The following CNIH3 variants were observed in gnomAD, a reference collection of about 807,000 sequenced individuals.
CNIH3 encodes the protein cornichon family AMPA receptor auxiliary protein 3.
Under a neutral mutation model 24.1 loss-of-function variants are expected in CNIH3, and 14 were observed. That is an observed-to-expected ratio of 0.58 (90% CI 0.38 to 0.91). The LOEUF (loss-of-function observed/expected upper bound fraction) is 0.91. Among genes scored for constraint, CNIH3 ranks in the 40% least tolerant of loss-of-function variants. CNIH3 has a pLI of 0.00. For missense variants in CNIH3, 178 were observed against 196.8 expected (o/e 0.90, Z 0.57); for synonymous variants, 68 against 73.8 (o/e 0.92, Z 0.40).
intron 3 of CNIH3, among the ~76,000 whole-genome samples, chr1:224,720,087 A>G (rs1688631062): frequency 6.6e-6 from 1 of 152,090 alleles, no homozygotes; most frequent in South Asian, 2.1e-4. Context: ...AGTAAATATT[A>G]ATTGATGATG....
intron 1 of CNIH3, among the ~76,000 whole-genome samples, chr1:224,648,237 C>A (rs972380573): frequency 6.6e-6 from 1 of 151,958 alleles, no homozygotes; most frequent in African/African-American, 2.4e-5. Context: ...CATGGTGAAA[C>A]CCTGTCTCTA....
At chr1:224,578,121 C>A (rs111431496) in intron 4 of CNIH3, among the ~76,000 whole-genome samples, 111 of 152,164 alleles carry the variant, frequency 7.3e-4, no homozygotes, top group African/African-American at 2.6e-3. Context: ...TACTAAAGAA[C>A]TTTTCCATGC....
At chr1:224,529,383 A>T (rs1250388786) in intron 2 of CNIH3, 1 of 152,168 alleles carries the variant, frequency 6.6e-6, no homozygotes, top group Non-Finnish European at 1.5e-5. Context: ...GCAAGAGAGG[A>T]TGAATTCAAA....
At chr1:224,581,776 T>C (rs956158602) in intron 4 of CNIH3, among the ~76,000 whole-genome samples, 2 of 152,228 alleles carry the variant, frequency 1.3e-5, no homozygotes, top group Non-Finnish European at 2.9e-5. Context: ...AGGTCAAATT[T>C]AGCTCATCTC....
At chr1:224,460,958 A>G (rs1305114789) in intron 1 of CNIH3, among the ~76,000 whole-genome samples, 1 of 150,632 alleles carries the variant, frequency 6.6e-6, no homozygotes, top group Non-Finnish European at 1.5e-5. Context: ...TGTTTTTATT[A>G]TGACTTTACC....
chr1:224,589,056 A>G (rs1429003567), downstream of CNIH3, among the ~76,000 whole-genome samples: 1 of 145,166 alleles, frequency 6.9e-6, no homozygotes, highest in Non-Finnish European at 1.5e-5. Context: ...GAGGAGTCTG[A>G]GCTCTGGAAA....
At chr1:224,586,571 G>A (rs1572529660) in intron 5 of CNIH3, among the ~76,000 whole-genome samples, 1 of 152,128 alleles carries the variant, frequency 6.6e-6, no homozygotes, top group South Asian at 2.1e-4. Flanking sequence ...GGGAGACTTC[G>A]AGCCTTAGAG....
At chr1:224,676,361 G>T (rs58973007) in intron 1 of CNIH3, among the ~76,000 whole-genome samples, 1 of 152,006 alleles carries the variant, frequency 6.6e-6, no homozygotes, top group Non-Finnish European at 1.5e-5. Flanking sequence ...GAGACATGGC[G>T]GGGGGGTGTT....
At chr1:224,617,859 A>G (rs897334898) in intron 1 of CNIH3, among the ~76,000 whole-genome samples, 1 of 152,162 alleles carries the variant, frequency 6.6e-6, no homozygotes, top group African/African-American at 2.4e-5. Context: ...GGCATCATTA[A>G]GGCCATGGAG....
chr1:224,651,553 G>A (rs758909255), intron 1 of CNIH3, among the ~76,000 whole-genome samples: 2 of 152,224 alleles, frequency 1.3e-5, no homozygotes, highest in South Asian at 2.1e-4. Flanking sequence ...CTTCGTGTTC[G>A]TGTCATCTTA....
intron 1 of CNIH3, among the ~76,000 whole-genome samples, chr1:224,501,407 A>G (rs1677660594): frequency 1.3e-5 from 2 of 151,994 alleles, no homozygotes; most frequent in South Asian, 4.2e-4. Flanking sequence ...TACTATTATT[A>G]TTGTATCCAG....
At chr1:224,637,680 C>T (rs1572634736) in intron 1 of CNIH3, among the ~76,000 whole-genome samples, 1 of 152,184 alleles carries the variant, frequency 6.6e-6, no homozygotes, top group South Asian at 2.1e-4. Flanking sequence ...TAATGGCTGG[C>T]TTATTACCAA....
intron 1 of CNIH3, chr1:224,454,357 T>C (rs1675558839): frequency 1.0e-6 from 1 of 953,616 alleles, no homozygotes; most frequent in African/African-American, 1.8e-5. Flanking sequence ...AGGTTAAAAA[T>C]AATTCAACTA....
intron 1 of CNIH3, among the ~76,000 whole-genome samples, chr1:224,633,133 C>A (rs1683909290): frequency 1.3e-5 from 2 of 152,086 alleles, no homozygotes; most frequent in Admixed American, 6.6e-5. Flanking sequence ...TGTCAGGTTT[C>A]TCAGTAAGGA....
At position 224,527,123 on chromosome 1, in the gene CNIH3, T is replaced by G. The variant is rs376370987; in HGVS notation, n.343+5796T>G. 1.5e-4 allele frequency among the ~76,000 whole-genome samples: 23 copies of G among 152,232 alleles called. 1 individual carries two copies. The East Asian group carries it at 2.3e-3, about 15-fold the overall frequency. On this transcript the variant is annotated intron_variant and non_coding_transcript_variant, in intron 2 of 2. Coordinates refer to the CNIH3 transcript ENST00000470602. ...CTAAGACAGGGCTGAAAAAACTTGATGAGCGTGAGTGCTCACTGTGTGTAT... is the reference window on the plus strand; with the variant it reads ...CTAAGACAGGGCTGAAAAAACTTGAGGAGCGTGAGTGCTCACTGTGTGTAT...
In CNIH3 at chr1:224,684,558, C is replaced by G. The variant is rs185833719; in HGVS notation, c.151-238C>G. Among the ~76,000 whole-genome samples the G allele has an allele frequency of 5.8e-3, 877 of 152,264 alleles. 9 individuals carry two copies. The highest frequency in any genetic ancestry group is 0.02 in the African/African-American group (811 of 41,534). ...GTGCTGGACTGAGAGGGCAGTTGAG[C>G]CCATGCTGTTTGCTGGGAGAGTTCT... On this transcript the variant is annotated intron_variant, in intron 2 of 5. Transcript: ENST00000272133. The surrounding 1 kb of genome is among the most constrained non-coding windows in gnomAD (Gnocchi z 4.2).
At chr1:224,608,158 A>G (rs1174069278) in intron 3 of CNIH3, among the ~76,000 whole-genome samples, 1 of 152,216 alleles carries the variant, frequency 6.6e-6, no homozygotes, top group African/African-American at 2.4e-5. Context: ...GCTTTAGAGC[A>G]GAAACAAAAG....
At chr1:224,557,301 G>A (rs547480703) in intron 3 of CNIH3, among the ~76,000 whole-genome samples, 1 of 152,184 alleles carries the variant, frequency 6.6e-6, no homozygotes, top group East Asian at 1.9e-4. Context: ...TCCCACCTCA[G>A]CCTTCCAAAG....
At chr1:224,680,918 C>A in intron 1 of CNIH3, 40 bp from the exon 2 acceptor site, 1 of 1,465,720 alleles carries the variant, frequency 6.8e-7, no homozygotes, top group Non-Finnish European at 9.6e-7. Flanking sequence ...TGTGTTGACT[C>A]GTGTGCACTA....
Sources: allele counts gnomAD v4.1 joint callset (sites outside exome capture counted in the v4.1 genomes callset), GRCh38; gene constraint gnomAD v4.1.1; non-coding constraint Gnocchi (gnomAD v3.1); transcripts MANE v1.5; gene names NCBI Gene and HGNC (gene_info 2026-07-23, HGNC 2026-07-21).